The following ATXN2 variants were observed in gnomAD, a reference collection of about 807,000 sequenced individuals.
ATXN2 encodes ataxin-2.
A neutral mutation model predicts 138.6 loss-of-function variants in ATXN2; 37 were observed. The ratio of observed to expected loss-of-function variants is 0.27; its 90% CI spans 0.21 to 0.35. ATXN2 has a LOEUF of 0.35. ATXN2 is among the 10% of genes least tolerant of loss of function. The probability of loss-of-function intolerance (pLI) is 1.00; values close to 1 mark genes in which losing one functional copy is unlikely to be tolerated. For missense variants in ATXN2, 1,216 were observed against 1,480.3 expected, an observed-to-expected ratio of 0.82 and a Z score of 2.93; for synonymous variants, 549 against 543.7, an observed-to-expected ratio of 1.01 and a Z score of -0.13.
At chr12:111,564,015 G>A (rs1004673289) in intron 1 of ATXN2, among the ~76,000 whole-genome samples, 2 of 152,054 alleles carry the variant, frequency 1.3e-5, no homozygotes. Context: ...CCTCTTCCAG[G>A]GGGTCATAGC....
intron 14 of ATXN2, among the ~76,000 whole-genome samples, chr12:111,505,200 T>C (rs587914): frequency 0.38 from 57,776 of 151,956 alleles, 15,067 homozygotes; most frequent in East Asian, 0.9. Context: ...AAGAGCGAGA[T>C]TCTGTGTCAA....
At chr12:111,474,397 CA>C (rs11458752) in intron 18 of ATXN2, among the ~76,000 whole-genome samples, 4 of 146,990 alleles carry the variant, frequency 2.7e-5, no homozygotes, top group Non-Finnish European at 6.0e-5. Flanking sequence ...GACTCTGTCT[CA>C]AAAAAAAACA....
chr12:111,488,442 G>GTCT, intron 15 of ATXN2, 34 bp downstream of exon 15: 1 of 1,564,766 alleles, frequency 6.4e-7, no homozygotes, highest in Non-Finnish European at 8.6e-7. Context: ...AGTTAATTGA[G>GTCT]TAACAGGATG....
chr12:111,490,286 G>A (rs1440895004), intron 14 of ATXN2, among the ~76,000 whole-genome samples: 2 of 151,978 alleles, frequency 1.3e-5, no homozygotes, highest in Non-Finnish European at 2.9e-5. Flanking sequence ...CAAATGGGCA[G>A]TCTATACGGA....
chr12:111,526,689 G>C, intron 5 of ATXN2, among the ~76,000 whole-genome samples: 1 of 152,178 alleles, frequency 6.6e-6, no homozygotes, highest in South Asian at 2.1e-4. Flanking sequence ...ACAGGTGTGA[G>C]CAACCATGCC....
intron 14 of ATXN2, among the ~76,000 whole-genome samples, chr12:111,495,015 T>TA (rs893126093): frequency 4.0e-5 from 6 of 151,454 alleles, no homozygotes; most frequent in African/African-American, 1.2e-4. Context: ...TAAATGGATT[T>TA]AAAAAAAAGG....
chr12:111,587,418 G>T (rs1884402645), intron 1 of ATXN2, among the ~76,000 whole-genome samples: 1 of 151,986 alleles, frequency 6.6e-6, no homozygotes, highest in African/African-American at 2.4e-5. Flanking sequence ...AAAGCACTTT[G>T]GGAAAACTAG....
chr12:111,519,969 G>T lies in ATXN2; in HGVS notation c.896C>A (p.Ala299Asp), dbSNP rs1351683017. The T allele has an allele frequency of 2.5e-6, 4 of 1,613,906 alleles. No homozygotes were observed. The highest frequency in any genetic ancestry group is 3.4e-6 in the Non-Finnish European group (4 of 1,180,042). ...CTCACTCCTATCATCATTTTCCAGG[G>T]CCACTCGAGCTTTGTACTGGGCACT... Reference protein sequence around the residue: ...ESSAQYKARVALENDDRSEEE... With the variant: ...ESSAQYKARVDLENDDRSEEE... The change falls in exon 8 of 25, where the codon GCC becomes GAC. Residue 299 changes from alanine to aspartate, a missense_variant. By Grantham distance (126) the Ala-to-Asp change is moderately radical. Around this residue, in one of 4 missense-constraint regions of ATXN2, gnomAD observed 401 missense variants for 528.1 expected, o/e 0.76. Transcript: ENST00000673436.
chr12:111,556,770 C>T (rs574748322), intron 1 of ATXN2, among the ~76,000 whole-genome samples: 42 of 150,556 alleles, frequency 2.8e-4, no homozygotes, highest in Non-Finnish European at 5.6e-4. Flanking sequence ...GAGCTGAGAC[C>T]GCCCCATTGT....
intron 12 of ATXN2, 97 bp from the exon 13 acceptor site, chr12:111,510,095 T>C (rs1363863725): frequency 1.1e-6 from 1 of 932,172 alleles, no homozygotes; most frequent in Non-Finnish European, 1.6e-6. Context: ...TTTTGGAAAA[T>C]AATGCTTTCA....
intron 17 of ATXN2, 65 bp downstream of exon 17, chr12:111,485,648 A>G (rs1446065281): frequency 6.3e-7 from 1 of 1,575,444 alleles, no homozygotes; most frequent in Non-Finnish European, 8.7e-7. Flanking sequence ...GAAAACCTAA[A>G]GAGTGCTTGG....
intron 1 of ATXN2, among the ~76,000 whole-genome samples, chr12:111,560,222 AAAAAT>A (rs1186861648): frequency 6.6e-6 from 1 of 152,238 alleles, no homozygotes; most frequent in African/African-American, 2.4e-5. Context: ...AAAAACACTT[AAAAAT>A]AAATACAATA....
At chr12:111,544,916 T>A (rs912390850) in intron 5 of ATXN2, among the ~76,000 whole-genome samples, 1 of 152,110 alleles carries the variant, frequency 6.6e-6, no homozygotes, top group Non-Finnish European at 1.5e-5. Flanking sequence ...TCCCAGCACT[T>A]TGGGAGGCCG....
At position 111,598,555 on chromosome 12, in the gene ATXN2, G is replaced by A; in HGVS notation, c.251+229C>T. The A allele has an allele frequency of 1.0e-6, 1 of 984,762 alleles. No homozygotes were observed. The highest frequency in any genetic ancestry group is 1.1e-4 in the East Asian group (1 of 8,766). 61.0% of individuals were successfully genotyped at this position (984,762 alleles called of 1,614,324 possible). A position where few individuals can be genotyped will look rare whatever the true frequency, so the allele number is the denominator to read the frequency against. On this transcript the variant is annotated intron_variant, in intron 1 of 24. Transcript: ENST00000673436. The surrounding 1 kb of genome is among the most constrained non-coding windows in gnomAD (Gnocchi z 4.5). ...TCCCTCCATCTTGACCGCCGGGGGAGGGGGCGGGGATGCTGCGGGAGGCTG... is the reference window on the plus strand; with the variant it reads ...TCCCTCCATCTTGACCGCCGGGGGAAGGGGCGGGGATGCTGCGGGAGGCTG...
chr12:111,587,595 G>A (rs1168011920), intron 1 of ATXN2, among the ~76,000 whole-genome samples: 1 of 152,016 alleles, frequency 6.6e-6, no homozygotes, highest in Non-Finnish European at 1.5e-5. Context: ...TGTTGAGGCT[G>A]CAGTGAGCCA....
At chr12:111,539,627 G>C (rs1383451333) in intron 5 of ATXN2, among the ~76,000 whole-genome samples, 1 of 149,372 alleles carries the variant, frequency 6.7e-6, no homozygotes. Context: ...GGTACCTCTA[G>C]TCCCAGCTAC....
At chr12:111,533,162 A>G (rs753912919) in intron 5 of ATXN2, among the ~76,000 whole-genome samples, 2 of 152,244 alleles carry the variant, frequency 1.3e-5, no homozygotes, top group Non-Finnish European at 2.9e-5. Context: ...CGTGGAGGTG[A>G]AAGGGATGTA....
chr12:111,569,244 T>C (rs7953144), intron 1 of ATXN2, among the ~76,000 whole-genome samples: 15,304 of 152,126 alleles, frequency 0.1, 2,569 homozygotes, highest in African/African-American at 0.35. Context: ...TCAACATCTA[T>C]GAAATGAAGA....
At chr12:111,547,591 G>A (rs1356644806) in intron 5 of ATXN2, among the ~76,000 whole-genome samples, 1 of 151,860 alleles carries the variant, frequency 6.6e-6, no homozygotes, top group African/African-American at 2.4e-5. Flanking sequence ...CGGGCATGGT[G>A]GCACATGCCT....
Sources: allele counts gnomAD v4.1 joint callset (sites outside exome capture counted in the v4.1 genomes callset), GRCh38; gene constraint gnomAD v4.1.1; regional missense constraint gnomAD v4.1.1; non-coding constraint Gnocchi (gnomAD v3.1); transcripts MANE v1.5; gene names NCBI Gene and HGNC (gene_info 2026-07-23, HGNC 2026-07-21).